Variants in GUCD1 observed in about 807,000 individuals in gnomAD.
GUCD1 encodes guanylyl cyclase domain containing 1.
In GUCD1, 17 loss-of-function variants were observed where a neutral mutation model predicts 28.3. That is an observed-to-expected ratio of 0.60 (90% CI 0.41 to 0.90). GUCD1 has a LOEUF of 0.90. GUCD1 is among the 40% of genes least tolerant of loss of function. GUCD1 has a pLI of 0.00. For missense variants in GUCD1, 279 were observed against 305.5 expected (o/e 0.91, Z 0.65); for synonymous variants, 129 against 123.3 (o/e 1.05, Z -0.30).
At chr22:24,548,125 C>G in intron 2 of GUCD1, 52 bp from the exon 3 acceptor site, 1 of 1,514,534 alleles carries the variant, frequency 6.6e-7, no homozygotes, top group Non-Finnish European at 9.1e-7. Context: ...GTCAACTGGT[C>G]TGAGTCACCC....
At chr22:24,555,577 C>T, upstream of GUCD1, 1 of 1,544,608 alleles carries the variant, frequency 6.5e-7, no homozygotes, top group South Asian at 1.2e-5. Context: ...TAACTTTATC[C>T]GTACCAGATA....
At chr22:24,547,833 T>C in intron 3 of GUCD1, 75 bp downstream of exon 3, 1 of 1,511,570 alleles carries the variant, frequency 6.6e-7, no homozygotes, top group Non-Finnish European at 9.1e-7. Flanking sequence ...TGTTCCCTCT[T>C]CCAACTACTG....
Position 24,543,947 on chromosome 22 carries a change from G to A in GUCD1, c.523C>T (p.His175Tyr), listed in dbSNP as rs1225012338. The A allele has an allele frequency of 3.7e-6, 6 of 1,614,072 alleles. No individual in the cohort carries two copies. Among genetic ancestry groups the A allele is most frequent in the Non-Finnish European group, 2.5e-6 (3 of 1,179,966 alleles). The change falls in exon 5 of 6, where the codon CAC becomes TAC. Residue 175 changes from histidine to tyrosine, a missense_variant. By Grantham distance (83) the His-to-Tyr change is moderately conservative. Transcript: ENST00000435822. Reference protein sequence around the residue: ...KYCCFTPSGHHCFCRTPDYQG... With the variant: ...KYCCFTPSGHYCFCRTPDYQG... ...TAGTCAGGAGTGCGGCAGAAGCAGTGGTGGCCACTGGGGGTGAAGCAGCAG... is the reference window on the plus strand; with the variant it reads ...TAGTCAGGAGTGCGGCAGAAGCAGTAGTGGCCACTGGGGGTGAAGCAGCAG...
At chr22:24,544,615 A>G (rs888945922) in intron 4 of GUCD1, among the ~76,000 whole-genome samples, 1 of 152,194 alleles carries the variant, frequency 6.6e-6, no homozygotes, top group African/African-American at 2.4e-5. Context: ...CATTGCTTCC[A>G]GGGGAGCTCC....
Position 24,543,951 on chromosome 22 carries a change from G to C in GUCD1, c.519C>G (p.Gly173=). 6.2e-7 allele frequency: 1 copy of C among 1,614,062 alleles called. No individual in the cohort carries two copies. Among genetic ancestry groups the C allele is most frequent in the Non-Finnish European group, 8.5e-7 (1 of 1,179,976 alleles). Residue 173 remains glycine, a synonymous_variant, in exon 5 of 6, where the codon GGC becomes GGG. Coordinates refer to ENST00000435822, the MANE Select transcript of GUCD1 (RefSeq NM_001284254.2). The part of the protein sequence containing the change: ...PVKYCCFTPS[G]HHCFCRTPDY... Reference sequence around the variant, plus strand: ...CAGGAGTGCGGCAGAAGCAGTGGTGGCCACTGGGGGTGAAGCAGCAGTACT... The same window carrying C: ...CAGGAGTGCGGCAGAAGCAGTGGTGCCCACTGGGGGTGAAGCAGCAGTACT...
intron 1 of GUCD1, among the ~76,000 whole-genome samples, chr22:24,554,223 C>A (rs1252840751): frequency 1.3e-5 from 2 of 152,162 alleles, no homozygotes; most frequent in Non-Finnish European, 2.9e-5. Context: ...TCAGGAAAGG[C>A]AAGTATCTTG....
chr22:24,549,811 C>T (rs537711725), intron 1 of GUCD1, among the ~76,000 whole-genome samples: 2 of 152,296 alleles, frequency 1.3e-5, no homozygotes, highest in South Asian at 2.1e-4. Flanking sequence ...TGAGCCATTC[C>T]GCCTGGCCAG....
chr22:24,553,670 T>C (rs1019589793), intron 1 of GUCD1, among the ~76,000 whole-genome samples: 1 of 152,220 alleles, frequency 6.6e-6, no homozygotes, highest in African/African-American at 2.4e-5. Flanking sequence ...TGCCAGGCTA[T>C]GACTGTCCAT....
chr22:24,553,152 T>G (rs1000506272), intron 1 of GUCD1, among the ~76,000 whole-genome samples: 1 of 152,206 alleles, frequency 6.6e-6, no homozygotes, highest in Admixed American at 6.5e-5. Context: ...AGCCACACAC[T>G]GCCTTTTTGT....
rs572218261 is a variant in GUCD1, at chr22:24,544,273, G to A, written c.387-190C>T. Among the ~76,000 whole-genome samples, 6 of 151,734 alleles carry A rather than the reference G, an allele frequency of 4.0e-5. No homozygotes were observed. In the East Asian group the frequency reaches 1.2e-3, roughly 30 times the overall value. On this transcript the variant is annotated intron_variant, in intron 4 of 5. Transcript: ENST00000435822. Reference sequence around the variant, plus strand: ...GAGCCAAGCAGGAGACCGGTGGGGGGGGTGTGTGTGTGTGTCTGAATGTGC... The same window carrying A: ...GAGCCAAGCAGGAGACCGGTGGGGGAGGTGTGTGTGTGTGTCTGAATGTGC...
At chr22:24,553,824 G>A (rs773598981) in intron 1 of GUCD1, among the ~76,000 whole-genome samples, 9 of 152,230 alleles carry the variant, frequency 5.9e-5, no homozygotes, top group Non-Finnish European at 1.3e-4. Context: ...CTCCAGCCTC[G>A]GCAAGGGCGG....
At chr22:24,545,034 AAAAG>A (rs964626028) in intron 4 of GUCD1, among the ~76,000 whole-genome samples, 12 of 145,272 alleles carry the variant, frequency 8.3e-5, no homozygotes, top group African/African-American at 2.6e-4. Context: ...AAAAAAAAAA[AAAAG>A]AAAAGAAAAG....
rs779861965 is a variant in GUCD1, at chr22:24,555,031, G to A, written c.-40C>T. ...GGGGCGCCCATGGCCCCGGCCCAGA[G>A]CGGGCTACAGCTTCCGCTTCGGCTG... On this transcript the variant is annotated 5_prime_UTR_variant, in exon 1 of 6. Coordinates refer to ENST00000435822, the MANE Select transcript of GUCD1 (RefSeq NM_001284254.2). The A allele has an allele frequency of 7.1e-7, 1 of 1,408,418 alleles. No individual in the cohort carries two copies. Among genetic ancestry groups the A allele is most frequent in the Admixed American group, 3.3e-5 (1 of 30,474 alleles). 87.2% of individuals were successfully genotyped at this position (1,408,418 alleles called of 1,614,324 possible).
intron 4 of GUCD1, among the ~76,000 whole-genome samples, chr22:24,545,113 C>T (rs2044693230): frequency 6.6e-6 from 1 of 151,998 alleles, no homozygotes; most frequent in African/African-American, 2.4e-5. Flanking sequence ...GCCAGGGGCT[C>T]CTGCATCTTT....
In GUCD1 at chr22:24,543,931, G is replaced by A; in HGVS notation, c.539C>T (p.Thr180Ile). The change falls in exon 5 of 6, where the codon ACT becomes ATT. Residue 180 changes from threonine (T) to isoleucine (I), a missense_variant. Transcript: ENST00000435822. ...TPSGHHCFCR[T>I]PDYQGHFIVL... ...GATGAAGTGGCCCTGGTAGTCAGGA[G>A]TGCGGCAGAAGCAGTGGTGGCCACT... 2 of 1,614,096 alleles carry A rather than the reference G, an allele frequency of 1.2e-6. No individual in the cohort carries two copies. Among genetic ancestry groups the A allele is most frequent in the South Asian group, 1.1e-5 (1 of 91,084 alleles).
intron 5 of GUCD1, 73 bp from the exon 6 acceptor site, chr22:24,543,170 CA>C: frequency 9.2e-7 from 1 of 1,087,192 alleles, no homozygotes; most frequent in South Asian, 1.2e-5. Flanking sequence ...ACACAGTGCC[CA>C]GGGGAGCTGA....
chr22:24,552,831 A>AC (rs2044918541), intron 1 of GUCD1, among the ~76,000 whole-genome samples: 1 of 151,068 alleles, frequency 6.6e-6, no homozygotes, highest in African/African-American at 2.4e-5. Context: ...ACAGGGTCTC[A>AC]CTCTGTCGCC....
chr22:24,555,234 C>A, upstream of GUCD1: 1 of 1,309,274 alleles, frequency 7.6e-7, no homozygotes, highest in Non-Finnish European at 9.7e-7. Context: ...TCTTAGAGGT[C>A]CCCAGCCTCT....
At chr22:24,553,213 T>C (rs2044929944) in intron 1 of GUCD1, among the ~76,000 whole-genome samples, 1 of 152,216 alleles carries the variant, frequency 6.6e-6, no homozygotes, top group Non-Finnish European at 1.5e-5. Flanking sequence ...TGCACATCCC[T>C]TAGTCTAGGA....
Sources: gnomAD v4.1 joint callset for allele counts (sites outside exome capture counted in the v4.1 genomes callset) on GRCh38, gnomAD v4.1.1 for gene constraint, MANE v1.5 for transcripts, NCBI Gene and HGNC (gene_info 2026-07-23, HGNC 2026-07-21) for gene names.